The following CEP126 variants were observed in gnomAD, a reference collection of about 807,000 sequenced individuals.
CEP126 encodes centrosomal protein 126, also known as centrosomal protein of 126 kDa.
A neutral mutation model predicts 107.8 loss-of-function variants in CEP126; 74 were observed. The observed-to-expected ratio is 0.69, with a 90% CI of 0.57 to 0.83. CEP126 has a LOEUF of 0.83. Ranked by LOEUF, CEP126 falls within the 40% of genes least tolerant of loss-of-function variation. CEP126 has a pLI of 0.00. For synonymous variants in CEP126, 449 were observed against 446.0 expected (o/e 1.01, Z -0.08); for missense variants, 1,237 against 1,281.9 (o/e 0.96, Z 0.53).
intron 4 of CEP126, among the ~76,000 whole-genome samples, chr11:101,954,534 A>C (rs569611567): frequency 2.0e-4 from 31 of 152,200 alleles, no homozygotes; most frequent in African/African-American, 7.5e-4. Context: ...TATAGAAATG[A>C]TCTTCATTGT....
At chr11:101,956,778 C>T (rs779261021) in intron 4 of CEP126, 12 of 450,240 alleles carry the variant, frequency 2.7e-5, no homozygotes, top group South Asian at 1.9e-4. Context: ...TCTTCCTTTC[C>T]CCCTATTCTT....
chr11:101,917,545 A>G (rs965032010), intron 1 of CEP126, among the ~76,000 whole-genome samples: 3 of 152,018 alleles, frequency 2.0e-5, no homozygotes, highest in Non-Finnish European at 4.4e-5. Context: ...AAAATTAGCT[A>G]AAGTTCTGTC....
intron 8 of CEP126, among the ~76,000 whole-genome samples, chr11:101,985,743 G>A (rs115389465): frequency 0.021 from 3,128 of 152,218 alleles, 58 homozygotes; most frequent in African/African-American, 0.05. Flanking sequence ...ATACAAAAGT[G>A]TTGCTCTTCA....
chr11:101,998,484 A>C lies in CEP126; in HGVS notation c.*841A>C, dbSNP rs796952585. The C allele has an allele frequency of 3.3e-5, 5 of 149,590 alleles. No individual in the cohort carries two copies. The highest frequency in any genetic ancestry group is 1.3e-4 in the Admixed American group (2 of 14,876). 9.3% of individuals were successfully genotyped at this position (149,590 alleles called of 1,614,324 possible). A position where few individuals can be genotyped will look rare whatever the true frequency, so the allele number is the denominator to read the frequency against. On this transcript the variant is annotated 3_prime_UTR_variant, in exon 11 of 11. Transcript: ENST00000263468. ...CAGCTACTTGGGGTGCTGAGGCGGG[A>C]GGATTACTTGAGCCCAGGAGGATTA... is the stretch of plus-strand genomic sequence containing the variant.
At chr11:101,928,460 T>G (rs1940443447) in intron 2 of CEP126, among the ~76,000 whole-genome samples, 1 of 152,240 alleles carries the variant, frequency 6.6e-6, no homozygotes, top group Non-Finnish European at 1.5e-5. Flanking sequence ...CTGAAGATTT[T>G]CTCCTGTGTT....
intron 4 of CEP126, among the ~76,000 whole-genome samples, chr11:101,949,836 C>T (rs1940786425): frequency 6.6e-6 from 1 of 152,142 alleles, no homozygotes; most frequent in Admixed American, 6.6e-5. Context: ...CCAACACAGA[C>T]CTGAACTGAA....
intron 9 of CEP126, among the ~76,000 whole-genome samples, chr11:101,990,455 CT>C (rs1941365337): frequency 6.6e-6 from 1 of 152,174 alleles, no homozygotes; most frequent in Non-Finnish European, 1.5e-5. Context: ...GCCTCTACCC[CT>C]GGAAGAGGAG....
Position 101,997,863 on chromosome 11 carries a change from G to GC in CEP126, c.*222dup. On this transcript the variant is annotated 3_prime_UTR_variant, in exon 11 of 11. Coordinates refer to ENST00000263468, the MANE Select transcript of CEP126 (RefSeq NM_020802.4). ...CTGAGAATACCATGAAAGACATTAT[G>GC]CCTGCCTAAACAAAAAGCAGGACAT... The GC allele has an allele frequency of 1.8e-6, 1 of 551,376 alleles. No individual in the cohort carries two copies. The highest frequency in any genetic ancestry group is 3.1e-6 in the Non-Finnish European group (1 of 317,774). 34.2% of individuals were successfully genotyped at this position (551,376 alleles called of 1,614,324 possible).
chr11:101,921,577 C>T (rs1940326435), intron 1 of CEP126, among the ~76,000 whole-genome samples: 1 of 151,416 alleles, frequency 6.6e-6, no homozygotes, highest in Non-Finnish European at 1.5e-5. Flanking sequence ...TGTGGTGGCA[C>T]ATGCCTGTAG....
intron 2 of CEP126, among the ~76,000 whole-genome samples, chr11:101,935,171 G>T (rs116801953): frequency 1.8e-3 from 273 of 151,856 alleles, no homozygotes; most frequent in African/African-American, 6.1e-3. Flanking sequence ...TATTTTGTCC[G>T]TGTTTTAAGT....
intron 8 of CEP126, among the ~76,000 whole-genome samples, chr11:101,985,117 A>T (rs1473517005): frequency 6.6e-6 from 1 of 152,192 alleles, no homozygotes; most frequent in Non-Finnish European, 1.5e-5. Context: ...AATAACAGTG[A>T]TACCAAACAA....
chr11:101,976,149 A>G (rs761351630), intron 6 of CEP126, among the ~76,000 whole-genome samples: 3 of 152,218 alleles, frequency 2.0e-5, no homozygotes, highest in Non-Finnish European at 4.4e-5. Context: ...TCTTTGAGAA[A>G]TCGCCAAACT....
Position 101,952,360 on chromosome 11 carries a change from G to A in CEP126, c.506+4218G>A, listed in dbSNP as rs151068277. Reference sequence around the variant, plus strand: ...AAGCAAACACAATATTTATAGGTTGGAAATATTGCCAGAATGGAAAAGAAA... The same window carrying A: ...AAGCAAACACAATATTTATAGGTTGAAAATATTGCCAGAATGGAAAAGAAA... On this transcript the variant is annotated intron_variant, in intron 4 of 10. Transcript: ENST00000263468. 9.3e-4 allele frequency among the ~76,000 whole-genome samples: 141 copies of A among 152,248 alleles called. No individual in the cohort carries two copies. In the East Asian group the frequency reaches 0.021, roughly 23 times the overall value.
At chr11:101,991,596 T>C (rs1941383363) in intron 9 of CEP126, among the ~76,000 whole-genome samples, 1 of 152,154 alleles carries the variant, frequency 6.6e-6, no homozygotes, top group African/African-American at 2.4e-5. Flanking sequence ...TGAAAACTCT[T>C]AAGAGACAGA....
At chr11:101,976,113 G>A (rs191655563) in intron 6 of CEP126, among the ~76,000 whole-genome samples, 1 of 152,218 alleles carries the variant, frequency 6.6e-6, no homozygotes, top group East Asian at 1.9e-4. Flanking sequence ...GGGATTTCTG[G>A]GTTGATGGGT....
chr11:101,952,500 G>T (rs1940825714), intron 4 of CEP126, among the ~76,000 whole-genome samples: 1 of 152,184 alleles, frequency 6.6e-6, no homozygotes, highest in Non-Finnish European at 1.5e-5. Context: ...AACTGTTTAA[G>T]ACCTGGAGTG....
At chr11:101,958,075 A>C in intron 4 of CEP126, 93 bp from the exon 5 acceptor site, 2 of 1,018,284 alleles carry the variant, frequency 2.0e-6, no homozygotes, top group Non-Finnish European at 2.9e-6. Context: ...GGACAAACAC[A>C]CACGTATTAC....
chr11:101,962,440 A>G lies in CEP126; in HGVS notation c.1405A>G (p.Ile469Val), dbSNP rs1254458816. 6 of 1,613,916 alleles carry G rather than the reference A, an allele frequency of 3.7e-6. No homozygotes were observed. Among genetic ancestry groups the G allele is most frequent in the Non-Finnish European group, 5.1e-6 (6 of 1,179,888 alleles). ...VATPLVLPSN[I>V]QSARPSAKNS... ...AACGCCTTTAGTTTTGCCATCTAAT[A>G]TACAGTCAGCTAGACCTTCAGCAAA... is the stretch of plus-strand genomic sequence containing the variant. Residue 469 changes from isoleucine (I) to valine (V), a missense_variant, in exon 6 of 11, where the codon ATA becomes GTA. Physicochemically the swap from Ile to Val is conservative, Grantham distance 29. Transcript: ENST00000263468.
At chr11:101,921,735 G>GA (rs1466767611) in intron 1 of CEP126, among the ~76,000 whole-genome samples, 3 of 126,910 alleles carry the variant, frequency 2.4e-5, no homozygotes, top group African/African-American at 8.7e-5. Flanking sequence ...ACTGTGTAAT[G>GA]AATGAAGATA....
Sources: allele counts gnomAD v4.1 joint callset (sites outside exome capture counted in the v4.1 genomes callset), GRCh38; gene constraint gnomAD v4.1.1; transcripts MANE v1.5; gene names NCBI Gene and HGNC (gene_info 2026-07-23, HGNC 2026-07-21).